Variants in FLT1 observed in about 807,000 individuals in gnomAD.
FLT1 encodes the protein vascular endothelial growth factor receptor 1.
FLT1 carries 49 observed loss-of-function variants against 156.3 expected under a neutral mutation model. The ratio of observed to expected loss-of-function variants is 0.31; its 90% CI spans 0.25 to 0.40. FLT1 has a LOEUF of 0.40. FLT1 is among the 10% of genes least tolerant of loss of function. The pLI, the probability that FLT1 is intolerant of heterozygous loss-of-function variation, is 1.00. For missense variants in FLT1, 1,322 were observed against 1,637.2 expected (o/e 0.81, Z 3.32); for synonymous variants, 594 against 583.8 (o/e 1.02, Z -0.25).
intron 13 of FLT1, chr13:28,386,140 T>C: frequency 9.5e-7 from 1 of 1,053,428 alleles, no homozygotes; most frequent in Non-Finnish European, 1.1e-6. Flanking sequence ...GTACTAAAAC[T>C]GTGAAGGCAG....
In FLT1 at chr13:28,385,794, ATACAT is replaced by A. The variant is rs1282853210; in HGVS notation, c.1970-768_1970-764del. 1.3e-5 allele frequency: 14 copies of A among 1,039,406 alleles called. No individual in the cohort carries two copies. The African/African-American group carries it at 1.5e-4, about 11-fold the overall frequency. The allele number at this position is 1,039,406 out of a possible 1,614,324, so 64.4% of individuals were successfully genotyped here. A position where few individuals can be genotyped will look rare whatever the true frequency, so the allele number is the denominator to read the frequency against. On this transcript the variant is annotated intron_variant, in intron 13 of 29. Coordinates refer to ENST00000282397, the MANE Select transcript of FLT1 (RefSeq NM_002019.4). Reference sequence around the variant, plus strand: ...AATGAATTCAATACATTAAGATGCAATACATTACAACATTAAAATCCCACATAAGA... The same window carrying A: ...AATGAATTCAATACATTAAGATGCAATACAACATTAAAATCCCACATAAGA...
At chr13:28,373,882 C>G (rs1001764859) in intron 14 of FLT1, among the ~76,000 whole-genome samples, 1 of 152,148 alleles carries the variant, frequency 6.6e-6, no homozygotes, top group Non-Finnish European at 1.5e-5. Flanking sequence ...TATCTCTTCT[C>G]TTTGTTTTTC....
chr13:28,304,527 G>A (rs185056230), intron 29 of FLT1, among the ~76,000 whole-genome samples: 1 of 151,516 alleles, frequency 6.6e-6, no homozygotes, highest in East Asian at 1.9e-4. Context: ...TTTTTAATGA[G>A]AGCTTTATGG....
chr13:28,317,067 A>T (rs1871241106), intron 25 of FLT1, among the ~76,000 whole-genome samples: 1 of 152,246 alleles, frequency 6.6e-6, no homozygotes, highest in Non-Finnish European at 1.5e-5. Context: ...TGTTCTGTGC[A>T]GACACAGGAC....
At chr13:28,419,081 A>G (rs1218839969) in intron 10 of FLT1, among the ~76,000 whole-genome samples, 2 of 152,220 alleles carry the variant, frequency 1.3e-5, no homozygotes, top group African/African-American at 4.8e-5. Context: ...GAAGTAGACC[A>G]TTGCATTCAA....
At chr13:28,376,341 C>G (rs1316612582) in intron 14 of FLT1, among the ~76,000 whole-genome samples, 1 of 152,238 alleles carries the variant, frequency 6.6e-6, no homozygotes, top group Non-Finnish European at 1.5e-5. Context: ...AGAATTTACT[C>G]TTTCTGAACT....
At chr13:28,319,372 T>C (rs2138826167) in intron 24 of FLT1, 51 bp downstream of exon 24, 2 of 1,183,670 alleles carry the variant, frequency 1.7e-6, no homozygotes, top group Non-Finnish European at 2.5e-6. Flanking sequence ...CAGCAGAAGA[T>C]GCAGACATTT....
intron 15 of FLT1, among the ~76,000 whole-genome samples, chr13:28,346,916 G>T (rs1565980225): frequency 6.6e-6 from 1 of 152,066 alleles, no homozygotes; most frequent in Non-Finnish European, 1.5e-5. Flanking sequence ...CATCTTGGGG[G>T]CTCTCTGTTT....
At chr13:28,306,793 G>T in intron 28 of FLT1, 21 bp from the exon 29 acceptor site, 1 of 1,553,984 alleles carries the variant, frequency 6.4e-7, no homozygotes, top group Non-Finnish European at 8.9e-7. Flanking sequence ...AAGGAGAAAG[G>T]TTATACTCTT....
intron 10 of FLT1, among the ~76,000 whole-genome samples, chr13:28,412,328 TC>T (rs1555236449): frequency 3.0e-5 from 2 of 65,722 alleles, no homozygotes; most frequent in Admixed American, 2.0e-4. Flanking sequence ...TTTCTTTCTT[TC>T]TTTTCTTTCT....
intron 1 of FLT1, among the ~76,000 whole-genome samples, chr13:28,471,510 T>C (rs1880178983): frequency 6.6e-6 from 1 of 152,240 alleles, no homozygotes; most frequent in East Asian, 1.9e-4. Flanking sequence ...TACTGCATGC[T>C]AGACACTTGC....
At chr13:28,338,284 G>A (rs952051263) in intron 17 of FLT1, among the ~76,000 whole-genome samples, 2 of 152,138 alleles carry the variant, frequency 1.3e-5, no homozygotes, top group African/African-American at 4.8e-5. Context: ...TCCACACCGA[G>A]AGGGACAAGC....
intron 14 of FLT1, among the ~76,000 whole-genome samples, chr13:28,381,931 A>G (rs1302895734): frequency 1.3e-5 from 2 of 152,236 alleles, no homozygotes; most frequent in Non-Finnish European, 2.9e-5. Flanking sequence ...TGGAACATTT[A>G]TTTATTAATT....
chr13:28,362,189 G>T (rs185219089), intron 14 of FLT1, among the ~76,000 whole-genome samples: 1 of 152,286 alleles, frequency 6.6e-6, no homozygotes, highest in South Asian at 2.1e-4. Context: ...TTTAAACCCA[G>T]ATAACAGGGA....
At chr13:28,430,016 T>C (rs772551107) in intron 8 of FLT1, 34 bp downstream of exon 8, 2 of 1,356,580 alleles carry the variant, frequency 1.5e-6, no homozygotes, top group Non-Finnish European at 2.1e-6. Context: ...ACAAAGTATG[T>C]CTTAAACTGT....
intron 29 of FLT1, 54 bp downstream of exon 29, chr13:28,306,624 T>C: frequency 8.1e-7 from 1 of 1,227,262 alleles, no homozygotes; most frequent in African/African-American, 1.5e-5. Context: ...TCCCCCAGCA[T>C]CTCCCCTCGT....
intron 10 of FLT1, among the ~76,000 whole-genome samples, chr13:28,407,871 G>C (rs1875904548): frequency 1.3e-5 from 2 of 152,248 alleles, no homozygotes; most frequent in East Asian, 3.9e-4. Flanking sequence ...CATTATATGA[G>C]AGTCACTTTG....
intron 10 of FLT1, among the ~76,000 whole-genome samples, chr13:28,419,806 G>A (rs560071157): frequency 6.6e-6 from 1 of 152,344 alleles, no homozygotes; most frequent in Non-Finnish European, 1.5e-5. Flanking sequence ...TTGAACCCAG[G>A]AGGCGGAGGT....
intron 1 of FLT1, among the ~76,000 whole-genome samples, chr13:28,484,617 A>C (rs1881045246): frequency 6.6e-6 from 1 of 152,208 alleles, no homozygotes; most frequent in South Asian, 2.1e-4. Context: ...GGCCACTTTA[A>C]GCTGGAGTAG....
Sources: gnomAD v4.1 joint callset for allele counts (sites outside exome capture counted in the v4.1 genomes callset) on GRCh38, gnomAD v4.1.1 for gene constraint, MANE v1.5 for transcripts, NCBI Gene and HGNC (gene_info 2026-07-23, HGNC 2026-07-21) for gene names.